The following CCDC7 variants were observed in gnomAD, a reference collection of about 807,000 sequenced individuals.
CCDC7 encodes the protein coiled-coil domain-containing protein 7.
A neutral mutation model predicts 196.9 loss-of-function variants in CCDC7; 183 were observed. The observed-to-expected ratio is 0.93, with a 90% CI of 0.82 to 1.05. The LOEUF (loss-of-function observed/expected upper bound fraction) is 1.05. Ranked by LOEUF, CCDC7 falls within the 50% of genes least tolerant of loss-of-function variation. The pLI is 0.00. For synonymous variants in CCDC7, 525 were observed against 484.6 expected, an observed-to-expected ratio of 1.08 and a Z score of -1.10; for missense variants, 1,540 against 1,482.2, an observed-to-expected ratio of 1.04 and a Z score of -0.64.
At chr10:32,697,934 A>G (rs2484275) in intron 24 of CCDC7, among the ~76,000 whole-genome samples, 140,617 of 152,240 alleles carry the variant, frequency 0.92, 65,924 homozygotes, top group East Asian at 1. Context: ...GGGGCTGACT[A>G]ACACCACAAA....
intron 13 of CCDC7, 21 bp from the exon 15 acceptor site, chr10:32,565,537 T>C (rs1564671562): frequency 1.9e-6 from 3 of 1,603,678 alleles, no homozygotes; most frequent in South Asian, 1.1e-5. Flanking sequence ...AATACCTTTT[T>C]TCCCCCTTCT....
At chr10:32,615,333 A>G (rs2062660756) in intron 18 of CCDC7, among the ~76,000 whole-genome samples, 1 of 152,132 alleles carries the variant, frequency 6.6e-6, no homozygotes, top group South Asian at 2.1e-4. Flanking sequence ...ATCCTTGCCA[A>G]CATCTGTTGT....
At chr10:32,851,883 A>C (rs147577946) in exon 40 of CCDC7, 7 of 1,611,170 alleles carry the variant, frequency 4.3e-6, no homozygotes, top group Non-Finnish European at 5.9e-6. Flanking sequence ...GGGCTGGTCC[A>C]AGCTTTTCTA....
At chr10:32,723,750 A>G (rs1262478767) in intron 25 of CCDC7, among the ~76,000 whole-genome samples, 1 of 152,072 alleles carries the variant, frequency 6.6e-6, no homozygotes, top group African/African-American at 2.4e-5. Flanking sequence ...TTCATCGTGG[A>G]GGTGAAAAAC....
chr10:32,610,558 C>G (rs1349964431), intron 18 of CCDC7, among the ~76,000 whole-genome samples: 1 of 152,134 alleles, frequency 6.6e-6, no homozygotes, highest in Non-Finnish European at 1.5e-5. Flanking sequence ...TCTCCTAATA[C>G]TGTTCCTCCC....
intron 28 of CCDC7, among the ~76,000 whole-genome samples, chr10:32,740,350 T>C (rs2085619844): frequency 6.6e-6 from 1 of 152,228 alleles, no homozygotes; most frequent in South Asian, 2.1e-4. Context: ...GATTTACATG[T>C]TTCATTTTTG....
At chr10:32,763,914 T>C (rs189635906) in intron 28 of CCDC7, among the ~76,000 whole-genome samples, 3 of 152,012 alleles carry the variant, frequency 2.0e-5, no homozygotes, top group Admixed American at 2.0e-4. Flanking sequence ...AGCATGGTCA[T>C]TATAGTTAAT....
At chr10:32,872,139 G>T (rs1434332832) in intron 41 of CCDC7, among the ~76,000 whole-genome samples, 2 of 152,116 alleles carry the variant, frequency 1.3e-5, no homozygotes, top group East Asian at 3.9e-4. Flanking sequence ...GTGCAGAGCT[G>T]AGTTGAAGAC....
chr10:32,862,255 C>T lies in CCDC7; in HGVS notation c.4111+7766C>T, dbSNP rs569035678. Reference sequence around the variant, plus strand: ...GCAGCCATAAAAAAGAATGAGTTCACGTCCTTTGCAGGGACATGGATGATG... The same window carrying T: ...GCAGCCATAAAAAAGAATGAGTTCATGTCCTTTGCAGGGACATGGATGATG... On this transcript the variant is annotated intron_variant, in intron 41 of 41. Coordinates refer to ENST00000639629, the Ensembl canonical transcript of CCDC7. Among the ~76,000 whole-genome samples the T allele has an allele frequency of 9.5e-4, 145 of 152,092 alleles. 2 individuals carry two copies. Among genetic ancestry groups the T allele is most frequent in the Non-Finnish European group, 4.1e-4 (28 of 67,960 alleles).
At chr10:32,869,910 A>G (rs1388810029) in intron 41 of CCDC7, among the ~76,000 whole-genome samples, 2 of 151,240 alleles carry the variant, frequency 1.3e-5, no homozygotes, top group Non-Finnish European at 3.0e-5. Flanking sequence ...GGTTGTAGAT[A>G]TGTAGCATTA....
At chr10:32,817,977 A>G (rs1457882383) in intron 31 of CCDC7, among the ~76,000 whole-genome samples, 1 of 152,234 alleles carries the variant, frequency 6.6e-6, no homozygotes, top group African/African-American at 2.4e-5. Context: ...GATCAAATCC[A>G]CACATAACAA....
At chr10:32,458,877 G>A (rs1467661973) in intron 3 of CCDC7, among the ~76,000 whole-genome samples, 1 of 152,056 alleles carries the variant, frequency 6.6e-6, no homozygotes, top group East Asian at 1.9e-4. Flanking sequence ...AAATGATACT[G>A]GGCTTAAGCC....
chr10:32,671,925 T>A (rs1172540877), intron 21 of CCDC7, among the ~76,000 whole-genome samples: 2 of 152,206 alleles, frequency 1.3e-5, no homozygotes, highest in African/African-American at 4.8e-5. Context: ...TATTGGGGTC[T>A]TCAGTGGCAA....
chr10:32,824,064 G>T (rs1265183929), intron 31 of CCDC7, among the ~76,000 whole-genome samples: 2 of 151,948 alleles, frequency 1.3e-5, no homozygotes, highest in African/African-American at 4.8e-5. Context: ...GATGACCATT[G>T]TGTGCAGATA....
At chr10:32,605,048 C>T (rs1264986290) in intron 18 of CCDC7, among the ~76,000 whole-genome samples, 2 of 152,070 alleles carry the variant, frequency 1.3e-5, no homozygotes, top group South Asian at 2.1e-4. Context: ...GGGCAGATCC[C>T]TCATGGCTTG....
intron 18 of CCDC7, among the ~76,000 whole-genome samples, chr10:32,629,819 A>G (rs59247254): frequency 0.013 from 1,934 of 152,258 alleles, 48 homozygotes; most frequent in African/African-American, 0.045. Flanking sequence ...GGGGACTCCA[A>G]CCTCTTTTCA....
At chr10:32,875,662 T>C (rs1439735391) in intron 41 of CCDC7, among the ~76,000 whole-genome samples, 1 of 152,026 alleles carries the variant, frequency 6.6e-6, no homozygotes, top group Non-Finnish European at 1.5e-5. Flanking sequence ...CTTTGGTTGT[T>C]TCCCGTTTTT....
chr10:32,745,101 G>A (rs532666367), intron 28 of CCDC7, among the ~76,000 whole-genome samples: 2 of 152,148 alleles, frequency 1.3e-5, no homozygotes, highest in Non-Finnish European at 2.9e-5. Context: ...AATTGCCTTT[G>A]CTCCTTCATT....
At chr10:32,706,492 A>C (rs2079778406) in intron 24 of CCDC7, among the ~76,000 whole-genome samples, 1 of 152,178 alleles carries the variant, frequency 6.6e-6, no homozygotes, top group Admixed American at 6.5e-5. Context: ...AAGGAGATAG[A>C]GACACAAAAA....
Sources: gnomAD v4.1 joint callset for allele counts (sites outside exome capture counted in the v4.1 genomes callset) on GRCh38, gnomAD v4.1.1 for gene constraint, MANE v1.5 for transcripts, NCBI Gene and HGNC (gene_info 2026-07-23, HGNC 2026-07-21) for gene names.